The following ANKS1B variants were observed in gnomAD, a reference collection of about 807,000 sequenced individuals.
ANKS1B encodes ankyrin repeat and sterile alpha motif domain containing 1B.
Under a neutral mutation model 148.3 loss-of-function variants are expected in ANKS1B, and 36 were observed. The observed-to-expected ratio is 0.24, with a 90% CI of 0.19 to 0.32. The LOEUF is 0.32. ANKS1B is among the 10% of genes least tolerant of loss of function. The pLI, the probability that ANKS1B is intolerant of heterozygous loss-of-function variation, is 1.00. For synonymous variants in ANKS1B, 542 were observed against 560.8 expected (o/e 0.97, Z 0.47); for missense variants, 1,157 against 1,542.6 (o/e 0.75, Z 4.19).
In ANKS1B at chr12:98,995,522, A is replaced by C. The variant is rs530865386; in HGVS notation, c.2778+57635T>G. On this transcript the variant is annotated intron_variant, in intron 17 of 26. Transcript: ENST00000683438. ...GGTTCTACGGCAATTAAGTAGCAGA[A>C]TTGGAATGAAACCCAGGTTCTCAGG... 9.3e-4 allele frequency among the ~76,000 whole-genome samples: 141 copies of C among 152,366 alleles called. 1 individual carries two copies. The highest frequency in any genetic ancestry group is 8.2e-3 in the Admixed American group (126 of 15,310).
In ANKS1B at chr12:99,085,000, C is replaced by T; in HGVS notation, c.2550G>A (p.Gln850=). The T allele has an allele frequency of 6.2e-7, 1 of 1,609,276 alleles. No homozygotes were observed. The highest frequency in any genetic ancestry group is 1.1e-5 in the South Asian group (1 of 89,848). Reference sequence around the variant, plus strand: ...TAAGGATTCCAATTTCCAACAAATCCTGATCTTCCATAACATTGCTTCCCT... The same window carrying T: ...TAAGGATTCCAATTTCCAACAAATCTTGATCTTCCATAACATTGCTTCCCT... ...QFMGSNVMED[Q]DLLEIGILNS... is the part of the protein sequence containing the mutation. Residue 850 remains glutamine (Q), a synonymous_variant, in exon 16 of 27, where the codon CAG becomes CAA. Transcript: ENST00000683438.
intron 10 of ANKS1B, among the ~76,000 whole-genome samples, chr12:99,492,333 T>C (rs2152970966): frequency 6.6e-6 from 1 of 152,102 alleles, no homozygotes; most frequent in Non-Finnish European, 1.5e-5. Context: ...ACACATACAC[T>C]CTTCCAAGAC....
rs530263489 is a variant in ANKS1B, at chr12:98,992,833, C to A, written c.2778+60324G>T. On this transcript the variant is annotated intron_variant, in intron 17 of 26. Transcript: ENST00000683438. ...ATCTACTTGCTAACCTGCTTATGGTCTGTTTCTCTTCACTAGAATGAAAGC... is the reference window on the plus strand; with the variant it reads ...ATCTACTTGCTAACCTGCTTATGGTATGTTTCTCTTCACTAGAATGAAAGC... Among the ~76,000 whole-genome samples, 3 of 152,312 alleles carry A rather than the reference C, an allele frequency of 2.0e-5. No homozygotes were observed. In the East Asian group the frequency reaches 5.8e-4, roughly 29 times the overall value.
At chr12:99,707,014 T>C in intron 8 of ANKS1B, among the ~76,000 whole-genome samples, 1 of 152,146 alleles carries the variant, frequency 6.6e-6, no homozygotes, top group Admixed American at 6.5e-5. Flanking sequence ...CAAGCCATGC[T>C]TGAATACCTG....
intron 10 of ANKS1B, among the ~76,000 whole-genome samples, chr12:99,468,789 A>G (rs968140823): frequency 1.4e-4 from 22 of 152,230 alleles, no homozygotes; most frequent in African/African-American, 5.1e-4. Flanking sequence ...GTCAGGAAAC[A>G]ACAGGTGCTG....
chr12:99,603,145 G>A (rs531790238), intron 9 of ANKS1B, among the ~76,000 whole-genome samples: 46 of 152,148 alleles, frequency 3.0e-4, no homozygotes, highest in Non-Finnish European at 3.8e-4. Context: ...GGGTTCAAGC[G>A]ATTCCCCTGC....
intron 22 of ANKS1B, among the ~76,000 whole-genome samples, chr12:98,787,413 T>C (rs1337938604): frequency 6.6e-6 from 1 of 152,136 alleles, no homozygotes; most frequent in East Asian, 1.9e-4. Flanking sequence ...GGGAGCTCCT[T>C]GAGGACTGCC....
intron 12 of ANKS1B, among the ~76,000 whole-genome samples, chr12:99,321,291 C>T (rs1014699044): frequency 6.6e-6 from 1 of 152,234 alleles, no homozygotes; most frequent in Non-Finnish European, 1.5e-5. Context: ...CAGCTATGCC[C>T]TGCCCCCAGA....
intron 11 of ANKS1B, among the ~76,000 whole-genome samples, chr12:99,427,994 A>G (rs1441163686): frequency 1.3e-5 from 2 of 152,192 alleles, no homozygotes; most frequent in African/African-American, 4.8e-5. Context: ...ACATTTATGG[A>G]CTTTTATGCC....
chr12:99,972,145 T>G (rs905639507), intron 1 of ANKS1B, among the ~76,000 whole-genome samples: 2 of 152,214 alleles, frequency 1.3e-5, no homozygotes, highest in Admixed American at 6.5e-5. Context: ...GGCCTCCCTA[T>G]TCCCTCGGAT....
At chr12:99,079,751 A>G (rs916111633) in intron 16 of ANKS1B, 1 of 152,144 alleles carries the variant, frequency 6.6e-6, no homozygotes, top group Non-Finnish European at 1.5e-5. Context: ...TTGCCTTGCA[A>G]GAAGACAGAC....
Position 99,527,761 on chromosome 12 carries a change from T to C in ANKS1B, c.1273-23120A>G, listed in dbSNP as rs188762766. 5.1e-3 allele frequency among the ~76,000 whole-genome samples: 781 copies of C among 152,140 alleles called. 4 individuals carry two copies. Among genetic ancestry groups the C allele is most frequent in the Non-Finnish European group, 7.0e-3 (479 of 67,998 alleles). The stretch of plus-strand genomic sequence containing the variant: ...AATAGTAATAGTATCTGCTTCAAGG[T>C]TTTGTTGGTAGTTGTGAATGAAATA... On this transcript the variant is annotated intron_variant, in intron 9 of 26. Coordinates refer to ENST00000683438, the MANE Select transcript of ANKS1B (RefSeq NM_001352186.2).
rs1365422091 is a variant in ANKS1B at position 99,308,702 on chromosome 12, G to T, written c.1757-61838C>A. On this transcript the variant is annotated intron_variant, in intron 12 of 26. Transcript: ENST00000683438. ...GGTTTTATACTGTAAATTGAGAGAT[G>T]AATAACATCTCTATGATATTAAGTC... Among the ~76,000 whole-genome samples the T allele has an allele frequency of 4.0e-5, 6 of 151,734 alleles. No homozygotes were observed. The East Asian group carries it at 9.7e-4, about 24-fold the overall frequency.
chr12:99,597,324 C>A (rs1017283016), intron 9 of ANKS1B, among the ~76,000 whole-genome samples: 2 of 151,658 alleles, frequency 1.3e-5, no homozygotes, highest in Non-Finnish European at 2.9e-5. Flanking sequence ...CACTGTTATA[C>A]CTTTTACTAA....
At chr12:99,382,640 G>C (rs1214554869) in intron 12 of ANKS1B, among the ~76,000 whole-genome samples, 1 of 147,128 alleles carries the variant, frequency 6.8e-6, no homozygotes, top group African/African-American at 2.5e-5. Flanking sequence ...GGAGTTTGCA[G>C]TGACCTGAGA....
At chr12:99,056,602 T>A (rs879265763) in intron 16 of ANKS1B, among the ~76,000 whole-genome samples, 1 of 152,164 alleles carries the variant, frequency 6.6e-6, no homozygotes, top group Non-Finnish European at 1.5e-5. Flanking sequence ...AATGTCCTAT[T>A]CCAGCATTCA....
At chr12:99,635,299 C>T (rs539214830) in intron 9 of ANKS1B, among the ~76,000 whole-genome samples, 1 of 152,238 alleles carries the variant, frequency 6.6e-6, no homozygotes, top group East Asian at 1.9e-4. Flanking sequence ...GAGATATTTC[C>T]AAACCCATAT....
At chr12:99,964,366 C>T (rs369821460) in intron 1 of ANKS1B, among the ~76,000 whole-genome samples, 237 of 152,322 alleles carry the variant, frequency 1.6e-3, no homozygotes, top group Non-Finnish European at 2.4e-3. Flanking sequence ...AAAGAAGAGC[C>T]TCCTCCACTT....
At chr12:99,005,893 G>A (rs2099935888) in intron 17 of ANKS1B, among the ~76,000 whole-genome samples, 1 of 152,154 alleles carries the variant, frequency 6.6e-6, no homozygotes, top group Non-Finnish European at 1.5e-5. Context: ...TAGGGCTGAA[G>A]GGTTGGCATA....
Sources: allele counts gnomAD v4.1 joint callset (sites outside exome capture counted in the v4.1 genomes callset), GRCh38; gene constraint gnomAD v4.1.1; transcripts MANE v1.5; gene names NCBI Gene and HGNC (gene_info 2026-07-23, HGNC 2026-07-21).